CPEB2: variants seen among roughly 807,000 people sequenced by gnomAD.
CPEB2 encodes the protein cytoplasmic polyadenylation element-binding protein 2.
In CPEB2, 56 loss-of-function variants were observed where a neutral mutation model predicts 93.6. The ratio of observed to expected loss-of-function variants is 0.60; its 90% CI spans 0.48 to 0.75. The LOEUF (loss-of-function observed/expected upper bound fraction) is 0.75, where lower values mean the gene tolerates loss of function less well. Ranked by LOEUF, CPEB2 falls within the 30% of genes least tolerant of loss-of-function variation. The pLI, the probability that CPEB2 is intolerant of heterozygous loss-of-function variation, is 0.00. For synonymous variants in CPEB2, 764 were observed against 586.3 expected (o/e 1.30, Z -4.38); for missense variants, 1,579 against 1,395.1 (o/e 1.13, Z -2.10).
rs1194843426 is a variant in CPEB2 at position 15,069,287 on chromosome 4, G to T, written c.*2907G>T. The T allele has an allele frequency of 2.0e-4, 31 of 152,058 alleles. No individual in the cohort carries two copies. The highest frequency in any genetic ancestry group is 4.4e-5 in the Non-Finnish European group (3 of 67,792). The allele number at this position is 152,058 out of a possible 1,614,324, so 9.4% of individuals were successfully genotyped here. A position where few individuals can be genotyped will look rare whatever the true frequency, so the allele number is the denominator to read the frequency against. On this transcript the variant is annotated 3_prime_UTR_variant, in exon 12 of 12. Coordinates refer to ENST00000538197, the MANE Select transcript of CPEB2 (RefSeq NM_001177382.2). The stretch of plus-strand genomic sequence containing the variant: ...AACTTGAATATAACACATTTTGGAA[G>T]GCTGACTAACCTCGATTCTGTGTTG...
At chr4:15,021,967 T>C (rs1323686514) in intron 4 of CPEB2, among the ~76,000 whole-genome samples, 1 of 152,182 alleles carries the variant, frequency 6.6e-6, no homozygotes, top group Admixed American at 6.6e-5. Context: ...TCTTCCACTT[T>C]TCCCTCTCTT....
rs1391467184 is a variant in CPEB2 at position 15,003,089 on chromosome 4, A to T, written c.416A>T (p.Asp139Val). 1 of 1,531,812 alleles carries T rather than the reference A, an allele frequency of 6.5e-7. No individual in the cohort carries two copies. Among genetic ancestry groups the T allele is most frequent in the Admixed American group, 2.0e-5 (1 of 50,288 alleles). The allele number at this position is 1,531,812 out of a possible 1,614,324, so 94.9% of individuals were successfully genotyped here. Residue 139 changes from aspartate (D) to valine (V), a missense_variant, in exon 1 of 12, where the codon GAC becomes GTC. By Grantham distance (152) the Asp-to-Val change is radical. Transcript: ENST00000538197. ...GTGACCCACCTCCTCCCCTCCCAGG[A>T]CTTCAAACCGAGTCTGCACCACCCC... ...AGVTHLLPSQ[D>V]FKPSLHHPSS...
intron 3 of CPEB2, 40 bp from the exon 4 acceptor site, chr4:15,017,148 C>G: frequency 8.7e-7 from 1 of 1,150,288 alleles, no homozygotes; most frequent in Non-Finnish European, 1.3e-6. Context: ...TTTGAAAAAA[C>G]TGCATAGATT....
chr4:15,057,813 C>A (rs17450379), intron 8 of CPEB2, among the ~76,000 whole-genome samples: 55,367 of 151,980 alleles, frequency 0.36, 11,861 homozygotes, highest in Non-Finnish European at 0.49. Context: ...TTCATTCCAG[C>A]CTTCCTACTG....
At chr4:15,053,961 C>G (rs1236343576) in intron 7 of CPEB2, among the ~76,000 whole-genome samples, 167 bp from the exon 8 acceptor site, 13 of 152,022 alleles carry the variant, frequency 8.6e-5, no homozygotes, top group Admixed American at 7.2e-4. Flanking sequence ...TTAATCTTGA[C>G]ATATTATTTT....
intron 10 of CPEB2, among the ~76,000 whole-genome samples, chr4:15,061,223 G>T (rs1380019171): frequency 6.6e-6 from 1 of 152,050 alleles, no homozygotes; most frequent in African/African-American, 2.4e-5. Flanking sequence ...TATAGATGGT[G>T]TTTAAAGCTA....
chr4:15,007,144 A>G (rs1487057420), intron 1 of CPEB2, among the ~76,000 whole-genome samples, 161 bp from the exon 2 acceptor site: 4 of 152,244 alleles, frequency 2.6e-5, no homozygotes, highest in African/African-American at 9.6e-5. Flanking sequence ...ATGATTTCAC[A>G]TAGAAAGATC....
intron 6 of CPEB2, among the ~76,000 whole-genome samples, chr4:15,041,298 T>G (rs1282618783): frequency 1.3e-5 from 2 of 152,178 alleles, no homozygotes; most frequent in African/African-American, 4.8e-5. Flanking sequence ...GTTTATATTG[T>G]TAGGCTTATT....
chr4:15,058,126 T>G (rs1297562766), intron 8 of CPEB2, among the ~76,000 whole-genome samples: 1 of 152,194 alleles, frequency 6.6e-6, no homozygotes, highest in Non-Finnish European at 1.5e-5. Flanking sequence ...TTTTTTCTTC[T>G]GTAAAACAGG....
At chr4:15,051,198 T>C (rs1437270878) in intron 6 of CPEB2, among the ~76,000 whole-genome samples, 2 of 152,170 alleles carry the variant, frequency 1.3e-5, no homozygotes, top group Non-Finnish European at 2.9e-5. Context: ...AACTACCTTA[T>C]CCATATTGAC....
rs988840814 is a variant in CPEB2, at chr4:15,066,886, T to A, written c.*506T>A. 2 of 153,810 alleles carry A rather than the reference T, an allele frequency of 1.3e-5. No homozygotes were observed. The highest frequency in any genetic ancestry group is 2.9e-5 in the Non-Finnish European group (2 of 68,852). 9.5% of individuals were successfully genotyped at this position (153,810 alleles called of 1,614,324 possible). On this transcript the variant is annotated 3_prime_UTR_variant, in exon 12 of 12. Coordinates refer to ENST00000538197, the MANE Select transcript of CPEB2 (RefSeq NM_001177382.2). ...TAAAAATTAGGGTTGATTTTTTTGCTCTCCATTTTGACTTGCAAGAAATAA... is the reference window on the plus strand; with the variant it reads ...TAAAAATTAGGGTTGATTTTTTTGCACTCCATTTTGACTTGCAAGAAATAA...
At chr4:15,040,767 T>C (rs1248857256) in intron 6 of CPEB2, among the ~76,000 whole-genome samples, 1 of 152,178 alleles carries the variant, frequency 6.6e-6, no homozygotes, top group Admixed American at 6.5e-5. Flanking sequence ...AAAGCTGCTG[T>C]TTATGGTTTG....
intron 3 of CPEB2, among the ~76,000 whole-genome samples, chr4:15,010,767 A>C (rs963753404): frequency 6.6e-6 from 1 of 152,078 alleles, no homozygotes; most frequent in Non-Finnish European, 1.5e-5. Context: ...TTTACTTTTT[A>C]TTTCCTTTAG....
In CPEB2 at chr4:15,024,047, A is replaced by G. The variant is rs976235550; in HGVS notation, c.2125+6769A>G. ...AATTAATCATTATCTTTTTTAGTTT[A>G]TTTGCTTAGTTTTCTAAGTATTTAT... On this transcript the variant is annotated intron_variant, in intron 4 of 11. Coordinates refer to ENST00000538197, the MANE Select transcript of CPEB2 (RefSeq NM_001177382.2). Among the ~76,000 whole-genome samples the G allele has an allele frequency of 1.4e-4, 21 of 151,928 alleles. 1 individual carries two copies. The highest frequency in any genetic ancestry group is 1.1e-3 in the Admixed American group (17 of 15,254).
chr4:15,051,752 T>G (rs182457653), intron 6 of CPEB2, among the ~76,000 whole-genome samples: 67 of 152,314 alleles, frequency 4.4e-4, no homozygotes, highest in African/African-American at 1.5e-3. Flanking sequence ...CATTTAAGTT[T>G]TGTGGAGGGA....
chr4:15,058,317 G>GT, intron 8 of CPEB2, 104 bp from the exon 9 acceptor site: 1 of 688,300 alleles, frequency 1.5e-6, no homozygotes, highest in Non-Finnish European at 2.6e-6. Flanking sequence ...CTATTTGATA[G>GT]TTTGTTTTTT....
intron 3 of CPEB2, among the ~76,000 whole-genome samples, chr4:15,012,640 G>A (rs1723638626): frequency 6.6e-6 from 1 of 152,048 alleles, no homozygotes; most frequent in Non-Finnish European, 1.5e-5. Context: ...ATAACATTGT[G>A]TAACAGGAAA....
At chr4:15,042,023 T>C (rs1457859488) in intron 6 of CPEB2, among the ~76,000 whole-genome samples, 1 of 152,184 alleles carries the variant, frequency 6.6e-6, no homozygotes, top group East Asian at 1.9e-4. Flanking sequence ...TTTAGAAGTT[T>C]AGTACCTATT....
Position 15,065,727 on chromosome 4 carries a change from C to A in CPEB2, c.2878-426C>A, listed in dbSNP as rs138455764. Among the ~76,000 whole-genome samples, 629 of 152,164 alleles carry A rather than the reference C, an allele frequency of 4.1e-3. 5 individuals are homozygous for A. The highest frequency in any genetic ancestry group is 0.014 in the African/African-American group (589 of 41,542). On this transcript the variant is annotated intron_variant, in intron 11 of 11. Transcript: ENST00000538197. ...TCTGGCTTGTCTGTGCCAGTTATTTCCAAGCAGAGTGTGACTCGCACCTGC... is the reference window on the plus strand; with the variant it reads ...TCTGGCTTGTCTGTGCCAGTTATTTACAAGCAGAGTGTGACTCGCACCTGC...
Sources: gnomAD v4.1 joint callset for allele counts (sites outside exome capture counted in the v4.1 genomes callset) on GRCh38, gnomAD v4.1.1 for gene constraint, MANE v1.5 for transcripts, NCBI Gene and HGNC (gene_info 2026-07-23, HGNC 2026-07-21) for gene names.